Variants in NEDD4L observed in about 807,000 individuals in gnomAD.
NEDD4L encodes the protein NEDD4 like E3 ubiquitin protein ligase, also known as E3 ubiquitin-protein ligase NEDD4-like.
A neutral mutation model predicts 148.9 loss-of-function variants in NEDD4L; 54 were observed. That is an observed-to-expected ratio of 0.36 (90% confidence interval 0.29 to 0.45). The LOEUF is 0.45. Among genes scored for constraint, NEDD4L ranks in the 20% least tolerant of loss-of-function variants. The pLI, the probability that NEDD4L is intolerant of heterozygous loss-of-function variation, is 1.00. For missense variants in NEDD4L, 856 were observed against 1,233.8 expected (o/e 0.69, Z 4.59); for synonymous variants, 433 against 440.7 (o/e 0.98, Z 0.22).
intron 22 of NEDD4L, among the ~76,000 whole-genome samples, chr18:58,369,711 G>A (rs1335537814): frequency 6.6e-6 from 1 of 152,194 alleles, no homozygotes; most frequent in Non-Finnish European, 1.5e-5. Context: ...CTGTGAGGAG[G>A]TGCGTGATGC....
rs535821559 is a variant in NEDD4L, at chr18:58,076,600, A to T, written c.48+31892A>T. 9.3e-5 allele frequency among the ~76,000 whole-genome samples: 14 copies of T among 150,976 alleles called. No homozygotes were observed. The East Asian group carries it at 2.7e-3, about 29-fold the overall frequency. On this transcript the variant is annotated intron_variant, in intron 1 of 30. Coordinates refer to ENST00000400345, the MANE Select transcript of NEDD4L (RefSeq NM_001144967.3). Reference sequence around the variant, plus strand: ...TCCATTTTCTTTCATTTTTGGACATACCTTTGAGTAGTGGGTAAACTGAGA... The same window carrying T: ...TCCATTTTCTTTCATTTTTGGACATTCCTTTGAGTAGTGGGTAAACTGAGA...
At chr18:58,167,181 C>T (rs1261369040) in intron 2 of NEDD4L, among the ~76,000 whole-genome samples, 1 of 152,216 alleles carries the variant, frequency 6.6e-6, no homozygotes, top group Non-Finnish European at 1.5e-5. Flanking sequence ...CTGACATCAG[C>T]CTGTACTGCT....
At chr18:58,346,006 G>A (rs566284208) in intron 16 of NEDD4L, among the ~76,000 whole-genome samples, 52 of 150,980 alleles carry the variant, frequency 3.4e-4, no homozygotes, top group Admixed American at 1.5e-3. Flanking sequence ...TGATCCTGCC[G>A]CTTCGGCCTC....
intron 1 of NEDD4L, among the ~76,000 whole-genome samples, chr18:58,099,496 G>A (rs9954538): frequency 0.033 from 4,962 of 152,232 alleles, 273 homozygotes; most frequent in African/African-American, 0.11. Flanking sequence ...CACATTTGTC[G>A]AATGTCTGCT....
In NEDD4L at chr18:58,142,040, C is replaced by CTTTTTTTTTT. The variant is rs552184742; in HGVS notation, c.49-23733_49-23724dup. ...CCCCACTGCCTTCCAAAATTTCTTT[C>CTTTTTTTTTT]TTTTTTTTTTTTTTTTTTTTTTTTG... On this transcript the variant is annotated intron_variant, in intron 1 of 30. Coordinates refer to ENST00000400345, the MANE Select transcript of NEDD4L (RefSeq NM_001144967.3). 7.4e-4 allele frequency among the ~76,000 whole-genome samples: 31 copies of CTTTTTTTTTT among 41,864 alleles called. 1 individual carries two copies. The highest frequency in any genetic ancestry group is 1.2e-3 in the Non-Finnish European group (26 of 21,862). 27.5% of individuals were successfully genotyped at this position (41,864 alleles called of 152,430 possible).
intron 2 of NEDD4L, chr18:58,195,414 T>C: frequency 7.8e-7 from 1 of 1,288,026 alleles, no homozygotes; most frequent in Non-Finnish European, 1.0e-6. Flanking sequence ...CACATTTGAA[T>C]TTGCTCCCGA....
intron 5 of NEDD4L, among the ~76,000 whole-genome samples, chr18:58,266,939 G>A (rs1471569074): frequency 1.3e-5 from 2 of 152,006 alleles, no homozygotes; most frequent in Admixed American, 1.3e-4. Context: ...TAGTTATGAA[G>A]AACAGATAGA....
chr18:58,107,712 C>A (rs1359767829), intron 1 of NEDD4L, among the ~76,000 whole-genome samples: 2 of 150,542 alleles, frequency 1.3e-5, no homozygotes, highest in Non-Finnish European at 3.0e-5. Flanking sequence ...AGAGCAAGAC[C>A]CTGTCTCCAG....
chr18:58,352,111 TTTA>T (rs2043966132), intron 18 of NEDD4L, among the ~76,000 whole-genome samples: 1 of 152,190 alleles, frequency 6.6e-6, no homozygotes, highest in South Asian at 2.1e-4. Context: ...CCTAGGTGTA[TTTA>T]GAAGAGTGAG....
chr18:58,379,326 C>T (rs555964979), intron 24 of NEDD4L, among the ~76,000 whole-genome samples: 8 of 152,354 alleles, frequency 5.3e-5, no homozygotes, highest in South Asian at 4.1e-4. Context: ...ATAGGAGATG[C>T]GCAGGGCAGA....
At chr18:58,057,910 C>G (rs1257575518) in intron 1 of NEDD4L, among the ~76,000 whole-genome samples, 1 of 152,218 alleles carries the variant, frequency 6.6e-6, no homozygotes, top group African/African-American at 2.4e-5. Flanking sequence ...CTTTTGCTCT[C>G]TGGTGTATCA....
chr18:58,229,376 A>G (rs190462712), intron 2 of NEDD4L, among the ~76,000 whole-genome samples: 19 of 152,324 alleles, frequency 1.2e-4, no homozygotes, highest in Non-Finnish European at 1.5e-5. Flanking sequence ...CTGCCCCAGC[A>G]TAGCAGATGG....
At chr18:58,161,747 T>G (rs755269799) in intron 1 of NEDD4L, among the ~76,000 whole-genome samples, 5 of 152,130 alleles carry the variant, frequency 3.3e-5, no homozygotes, top group Non-Finnish European at 7.4e-5. Context: ...CTCTACTCCC[T>G]TCGTATGATT....
chr18:58,253,094 G>A (rs1189379899), intron 5 of NEDD4L, among the ~76,000 whole-genome samples: 1 of 152,130 alleles, frequency 6.6e-6, no homozygotes. Context: ...TGGTTAAAAG[G>A]TGTTCTTAAG....
chr18:58,195,258 TATC>T, intron 2 of NEDD4L: 1 of 436,866 alleles, frequency 2.3e-6, no homozygotes, highest in Non-Finnish European at 3.9e-6. Flanking sequence ...AGTTGGCTGT[TATC>T]ATAACTTCCC....
intron 1 of NEDD4L, among the ~76,000 whole-genome samples, chr18:58,089,597 G>A (rs571926249): frequency 6.6e-6 from 1 of 152,042 alleles, no homozygotes; most frequent in South Asian, 2.1e-4. Flanking sequence ...GGATTCAAAT[G>A]GTTTTAAATG....
intron 1 of NEDD4L, among the ~76,000 whole-genome samples, chr18:58,084,056 A>T (rs1277306670): frequency 6.6e-6 from 1 of 152,214 alleles, no homozygotes; most frequent in Non-Finnish European, 1.5e-5. Flanking sequence ...AGAAAAGAAA[A>T]TGCTTATAGA....
At chr18:58,190,878 C>G (rs1461775564) in intron 2 of NEDD4L, among the ~76,000 whole-genome samples, 6 of 152,172 alleles carry the variant, frequency 3.9e-5, no homozygotes, top group Non-Finnish European at 7.3e-5. Flanking sequence ...AAAATCCCAG[C>G]ACTTTAGGAG....
intron 1 of NEDD4L, among the ~76,000 whole-genome samples, chr18:58,101,215 G>A (rs2084733969): frequency 6.6e-6 from 1 of 152,184 alleles, no homozygotes; most frequent in African/African-American, 2.4e-5. Context: ...GTAGTCATCT[G>A]ATACAGCCAA....
Sources: gnomAD v4.1 joint callset for allele counts (sites outside exome capture counted in the v4.1 genomes callset) on GRCh38, gnomAD v4.1.1 for gene constraint, MANE v1.5 for transcripts, NCBI Gene and HGNC (gene_info 2026-07-23, HGNC 2026-07-21) for gene names.